TNNT3: variants seen among roughly 807,000 people sequenced by gnomAD.
TNNT3 encodes troponin T, fast skeletal muscle.
Under a neutral mutation model 54.2 loss-of-function variants are expected in TNNT3, and 36 were observed. The ratio of observed to expected loss-of-function variants is 0.66; its 90% CI spans 0.51 to 0.88. The LOEUF (loss-of-function observed/expected upper bound fraction) is 0.88, where lower values mean the gene tolerates loss of function less well. TNNT3 is among the 40% of genes least tolerant of loss of function. The pLI is 0.00. For synonymous variants in TNNT3, 120 were observed against 109.7 expected, an observed-to-expected ratio of 1.09 and a Z score of -0.59; for missense variants, 291 against 331.6, an observed-to-expected ratio of 0.88 and a Z score of 0.95.
At chr11:1,925,418 TAACCCACTAACCGCGGCC>T in intron 5 of TNNT3, 1 of 877,340 alleles carries the variant, frequency 1.1e-6, no homozygotes, top group Non-Finnish European at 1.8e-6. Flanking sequence ...GGCCCTAATG[TAACCCACTAACCGCGGCC>T]AATGCTTGAC....
intron 1 of TNNT3, among the ~76,000 whole-genome samples, chr11:1,919,973 G>A (rs903825889): frequency 2.6e-5 from 4 of 152,226 alleles, no homozygotes; most frequent in Non-Finnish European, 2.9e-5. Flanking sequence ...ACATGGTGGT[G>A]TGATGGTCTC....
chr11:1,932,445 C>T (rs752452324), intron 8 of TNNT3, 24 bp from the exon 9 acceptor site: 88 of 1,612,876 alleles, frequency 5.5e-5, no homozygotes, highest in Admixed American at 8.3e-5. Context: ...TCTCTGCTCA[C>T]GGGCCTCTCT....
At chr11:1,922,652 G>A (rs1354442493) in intron 1 of TNNT3, 4 of 615,878 alleles carry the variant, frequency 6.5e-6, no homozygotes, top group Admixed American at 2.6e-5. Flanking sequence ...AGTCTGGGGC[G>A]CCAAGAGCTG....
At chr11:1,933,074 C>T (rs1433801411) in intron 9 of TNNT3, among the ~76,000 whole-genome samples, 1 of 149,590 alleles carries the variant, frequency 6.7e-6, no homozygotes, top group African/African-American at 2.5e-5. Context: ...TCCATCGATC[C>T]ATCTATCATC....
At chr11:1,933,284 C>T (rs1853982724) in intron 9 of TNNT3, among the ~76,000 whole-genome samples, 2 of 152,002 alleles carry the variant, frequency 1.3e-5, no homozygotes, top group Admixed American at 6.6e-5. Context: ...CATCTATCCA[C>T]CCAGTCATCT....
intron 14 of TNNT3, chr11:1,935,148 A>G (rs929817372): frequency 6.6e-6 from 4 of 606,962 alleles, no homozygotes; most frequent in Non-Finnish European, 1.2e-5. Context: ...CTGAGCGATG[A>G]ACCTGGCCCC....
intron 4 of TNNT3, among the ~76,000 whole-genome samples, chr11:1,924,729 T>C (rs932577576): frequency 6.6e-6 from 1 of 152,152 alleles, no homozygotes; most frequent in Non-Finnish European, 1.5e-5. Context: ...GCCCTGTGGG[T>C]TCTGTCCCCG....
At position 1,929,796 on chromosome 11, in the gene TNNT3, G is replaced by A. The variant is rs536872922; in HGVS notation, c.107-14G>A. On this transcript the variant is annotated splice_polypyrimidine_tract_variant and intron_variant, in intron 7 of 15. Transcript: ENST00000278317. ...CTGGTGTCCCTCTCCCTACGCTGGTGCTGTGTGGACCAGAGGAGAAACCGA... is the reference window on the plus strand; with the variant it reads ...CTGGTGTCCCTCTCCCTACGCTGGTACTGTGTGGACCAGAGGAGAAACCGA... 5 of 1,551,956 alleles carry A rather than the reference G, an allele frequency of 3.2e-6. No individual in the cohort carries two copies. The South Asian group carries it at 3.6e-5, about 11-fold the overall frequency.
chr11:1,929,070 G>T (rs777783710), intron 6 of TNNT3, 50 bp from the exon 7 acceptor site: 2 of 1,610,652 alleles, frequency 1.2e-6, no homozygotes, highest in Non-Finnish European at 8.5e-7. Context: ...CCCCGCAGCC[G>T]CACTGGCTTT....
Position 1,923,495 on chromosome 11 carries a change from C to T in TNNT3, c.32-60C>T, listed in dbSNP as rs374167020. 3.5e-4 allele frequency: 556 copies of T among 1,589,372 alleles called. 3 individuals are homozygous for T. The highest frequency in any genetic ancestry group is 1.2e-3 in the South Asian group (106 of 90,608). Reference sequence around the variant, plus strand: ...GGACACACTGGCCTCTCATCCTCCTCCTCCCTTCACGGGCTGCCCCTTCTA... The same window carrying T: ...GGACACACTGGCCTCTCATCCTCCTTCTCCCTTCACGGGCTGCCCCTTCTA... On this transcript the variant is annotated intron_variant, in intron 3 of 15. Coordinates refer to ENST00000278317, the MANE Select transcript of TNNT3 (RefSeq NM_006757.4).
intron 14 of TNNT3, chr11:1,936,129 G>A (rs1380197901): frequency 6.7e-7 from 1 of 1,501,144 alleles, no homozygotes; most frequent in Non-Finnish European, 9.3e-7. Context: ...AGCCTGGAGG[G>A]CCATCACCAG....
intron 1 of TNNT3, among the ~76,000 whole-genome samples, chr11:1,922,559 G>T: frequency 6.6e-6 from 1 of 152,142 alleles, no homozygotes; most frequent in East Asian, 1.9e-4. Context: ...CTGGGTGGGG[G>T]TGGACGCCAC....
chr11:1,926,823 G>A lies in TNNT3; in HGVS notation c.82+114G>A, dbSNP rs74049805. The A allele has an allele frequency of 1.1e-3, 1,498 of 1,410,392 alleles. 33 individuals carry two copies. The African/African-American group carries it at 0.018, about 17-fold the overall frequency. The allele number at this position is 1,410,392 out of a possible 1,614,324, so 87.4% of individuals were successfully genotyped here. A position where few individuals can be genotyped will look rare whatever the true frequency, so the allele number is the denominator to read the frequency against. ...ACGTTTGCCACCAACAACTGAACCC[G>A]TTCTGGCCTCTGGGCTGGGGACAGA... On this transcript the variant is annotated intron_variant, in intron 6 of 15. Transcript: ENST00000278317.
At chr11:1,920,487 C>A (rs1297343027) in intron 1 of TNNT3, among the ~76,000 whole-genome samples, 2 of 148,264 alleles carry the variant, frequency 1.3e-5, no homozygotes, top group Admixed American at 6.7e-5. Context: ...ACCCTCCCTG[C>A]CCTGGACACG....
intron 8 of TNNT3, 27 bp from the exon 9 acceptor site, chr11:1,932,442 T>C: frequency 6.2e-7 from 1 of 1,612,872 alleles, no homozygotes; most frequent in South Asian, 1.1e-5. Flanking sequence ...GGGTCTCTGC[T>C]CACGGGCCTC....
rs762779492 is a variant in TNNT3 at position 1,922,853 on chromosome 11, G to A, written c.-18-4G>A. 7 of 1,611,972 alleles carry A rather than the reference G, an allele frequency of 4.3e-6. No individual in the cohort carries two copies. The highest frequency in any genetic ancestry group is 5.1e-6 in the Non-Finnish European group (6 of 1,179,574). On this transcript the variant is annotated splice_polypyrimidine_tract_variant and splice_region_variant and intron_variant, in intron 1 of 15. Coordinates refer to ENST00000278317, the MANE Select transcript of TNNT3 (RefSeq NM_006757.4). ...TCTCTCTCTCTCTGAATCTCTCTCTGCAGAAACCACCCACCTTCACCATGT... is the reference window on the plus strand; with the variant it reads ...TCTCTCTCTCTCTGAATCTCTCTCTACAGAAACCACCCACCTTCACCATGT...
chr11:1,932,541 T>C (rs1362397790), intron 9 of TNNT3, 27 bp downstream of exon 9: 1 of 1,611,804 alleles, frequency 6.2e-7, no homozygotes, highest in Non-Finnish European at 8.5e-7. Context: ...CTGGTTAACA[T>C]GTCCACGGTT....
At chr11:1,927,636 G>A (rs540469860) in intron 6 of TNNT3, among the ~76,000 whole-genome samples, 18 of 152,294 alleles carry the variant, frequency 1.2e-4, no homozygotes, top group East Asian at 7.7e-4. Flanking sequence ...TGAGGCCAGC[G>A]GACAGACGGA....
At chr11:1,925,417 G>A (rs927081871) in intron 5 of TNNT3, 58 of 916,070 alleles carry the variant, frequency 6.3e-5, no homozygotes, top group Middle Eastern at 6.3e-4. Context: ...TGGCCCTAAT[G>A]TAACCCACTA....
Sources: gnomAD v4.1 joint callset for allele counts (sites outside exome capture counted in the v4.1 genomes callset) on GRCh38, gnomAD v4.1.1 for gene constraint, MANE v1.5 for transcripts, NCBI Gene and HGNC (gene_info 2026-07-23, HGNC 2026-07-21) for gene names.